Variants in VWA3B observed in about 807,000 individuals in gnomAD.
VWA3B encodes the protein von Willebrand factor A domain-containing protein 3B.
In VWA3B, 138 loss-of-function variants were observed where a neutral mutation model predicts 158.3. The observed-to-expected ratio is 0.87, with a 90% CI of 0.76 to 1.00. The LOEUF (loss-of-function observed/expected upper bound fraction) is 1.00. Among genes scored for constraint, VWA3B ranks in the 50% least tolerant of loss-of-function variants. The pLI is 0.00. For synonymous variants in VWA3B, 596 were observed against 587.3 expected (o/e 1.01, Z -0.21); for missense variants, 1,555 against 1,565.1 (o/e 0.99, Z 0.11).
intron 23 of VWA3B, among the ~76,000 whole-genome samples, chr2:98,295,862 A>C (rs562882007): frequency 6.6e-6 from 1 of 152,348 alleles, no homozygotes; most frequent in East Asian, 1.9e-4. Context: ...GTGGTGGGAC[A>C]GGCCAGTCCT....
chr2:98,324,855 T>G, the VWA3B span, among the ~76,000 whole-genome samples: 1 of 151,262 alleles, frequency 6.6e-6, no homozygotes, highest in African/African-American at 2.4e-5. Flanking sequence ...TAATAAACTA[T>G]TAAAAAACAA....
Sources: allele counts gnomAD v4.1 joint callset (sites outside exome capture counted in the v4.1 genomes callset), GRCh38; gene constraint gnomAD v4.1.1; transcripts MANE v1.5; gene names NCBI Gene and HGNC (gene_info 2026-07-23, HGNC 2026-07-21).